Variants in ANKS1B observed in about 807,000 individuals in gnomAD.
The protein encoded by ANKS1B is ankyrin repeat and sterile alpha motif domain containing 1B.
In ANKS1B, 36 loss-of-function variants were observed where a neutral mutation model predicts 148.3. That is an observed-to-expected ratio of 0.24 (90% confidence interval 0.19 to 0.32). The LOEUF (loss-of-function observed/expected upper bound fraction) is 0.32, where lower values mean the gene tolerates loss of function less well. Among genes scored for constraint, ANKS1B ranks in the 10% least tolerant of loss-of-function variants. The pLI, the probability that ANKS1B is intolerant of heterozygous loss-of-function variation, is 1.00. For missense variants in ANKS1B, 1,157 were observed against 1,542.6 expected, an observed-to-expected ratio of 0.75 and a Z score of 4.19; for synonymous variants, 542 against 560.8, an observed-to-expected ratio of 0.97 and a Z score of 0.47.
At chr12:99,526,911 A>G (rs2096932388) in intron 9 of ANKS1B, among the ~76,000 whole-genome samples, 1 of 152,230 alleles carries the variant, frequency 6.6e-6, no homozygotes. Context: ...GGTGGACCCC[A>G]ATCCAATGAC....
chr12:99,854,653 A>G (rs1263280782), intron 1 of ANKS1B, among the ~76,000 whole-genome samples: 1 of 152,326 alleles, frequency 6.6e-6, no homozygotes, highest in Admixed American at 6.5e-5. Flanking sequence ...AGGCAAAAGC[A>G]TCAGGTAATC....
At chr12:99,955,850 A>G (rs2095314974) in intron 1 of ANKS1B, among the ~76,000 whole-genome samples, 1 of 152,222 alleles carries the variant, frequency 6.6e-6, no homozygotes, top group South Asian at 2.1e-4. Flanking sequence ...AAAATCAGAT[A>G]TGTAAATAAG....
intron 15 of ANKS1B, among the ~76,000 whole-genome samples, chr12:99,120,855 T>C (rs920190431): frequency 2.0e-5 from 3 of 152,138 alleles, no homozygotes; most frequent in Non-Finnish European, 2.9e-5. Context: ...TTTGAAATTA[T>C]CTGGGCATTG....
chr12:99,338,053 C>T (rs1338360108), intron 12 of ANKS1B, among the ~76,000 whole-genome samples: 2 of 152,126 alleles, frequency 1.3e-5, no homozygotes, highest in African/African-American at 2.4e-5. Flanking sequence ...TCACTCAAGG[C>T]CCAAGTGTTC....
chr12:98,785,300 T>A (rs1030460761), intron 22 of ANKS1B, among the ~76,000 whole-genome samples: 3 of 152,016 alleles, frequency 2.0e-5, no homozygotes, highest in Non-Finnish European at 4.4e-5. Flanking sequence ...CAAAACCCCG[T>A]CTCTACTAAA....
chr12:99,153,557 T>C (rs1241250695), intron 15 of ANKS1B, among the ~76,000 whole-genome samples: 2 of 152,166 alleles, frequency 1.3e-5, no homozygotes, highest in Non-Finnish European at 2.9e-5. Flanking sequence ...CTTCCTCACC[T>C]ATATGCAAAA....
chr12:99,573,038 G>GATGCCTTTA (rs2097477846), intron 9 of ANKS1B, among the ~76,000 whole-genome samples: 1 of 152,012 alleles, frequency 6.6e-6, no homozygotes, highest in South Asian at 2.1e-4. Flanking sequence ...GAGCAAACAG[G>GATGCCTTTA]CTGCCTGAAC....
intron 8 of ANKS1B, among the ~76,000 whole-genome samples, chr12:99,693,768 A>C (rs995071759): frequency 6.6e-6 from 1 of 150,996 alleles, no homozygotes; most frequent in Non-Finnish European, 1.5e-5. Flanking sequence ...TCTTTCAACA[A>C]ATATTTTTTG....
chr12:99,720,088 C>T (rs566054543), intron 8 of ANKS1B, among the ~76,000 whole-genome samples: 1 of 152,314 alleles, frequency 6.6e-6, no homozygotes, highest in South Asian at 2.1e-4. Flanking sequence ...AAGCCACTAG[C>T]CCATCTCTTA....
At chr12:99,760,432 A>ATG (rs1209120362) in intron 8 of ANKS1B, among the ~76,000 whole-genome samples, 1 of 151,920 alleles carries the variant, frequency 6.6e-6, no homozygotes, top group Non-Finnish European at 1.5e-5. Flanking sequence ...AAAACTAAAC[A>ATG]ACTTGCTACT....
At chr12:99,761,047 A>G (rs1479019229) in intron 8 of ANKS1B, among the ~76,000 whole-genome samples, 1 of 143,984 alleles carries the variant, frequency 6.9e-6, no homozygotes, top group Non-Finnish European at 1.5e-5. Context: ...TGGAATCAGT[A>G]ATAAAAAGCC....
At chr12:99,877,796 C>T (rs1252204782) in intron 1 of ANKS1B, among the ~76,000 whole-genome samples, 3 of 152,174 alleles carry the variant, frequency 2.0e-5, no homozygotes, top group African/African-American at 7.2e-5. Context: ...GCTGACCACA[C>T]CTGTAATCCC....
At chr12:99,306,295 G>C (rs1305318203) in intron 12 of ANKS1B, among the ~76,000 whole-genome samples, 3 of 152,194 alleles carry the variant, frequency 2.0e-5, no homozygotes, top group African/African-American at 7.2e-5. Context: ...GAAGCATTCA[G>C]CCATTCCTGG....
chr12:98,910,895 C>A (rs1000498201), intron 17 of ANKS1B, among the ~76,000 whole-genome samples: 1 of 152,140 alleles, frequency 6.6e-6, no homozygotes, highest in African/African-American at 2.4e-5. Context: ...AAATAACAAA[C>A]AAGCATCCTA....
At chr12:99,523,484 C>A (rs2096895354) in intron 9 of ANKS1B, among the ~76,000 whole-genome samples, 1 of 151,226 alleles carries the variant, frequency 6.6e-6, no homozygotes. Context: ...AAACTGGCTG[C>A]TTACTAAGTA....
chr12:99,393,986 G>A (rs146350456), intron 12 of ANKS1B, among the ~76,000 whole-genome samples: 2 of 152,268 alleles, frequency 1.3e-5, no homozygotes, highest in Non-Finnish European at 2.9e-5. Flanking sequence ...TCCTCCAGCT[G>A]ACATAGGCTG....
chr12:98,948,719 T>C (rs1024019114), intron 17 of ANKS1B, among the ~76,000 whole-genome samples: 9 of 151,036 alleles, frequency 6.0e-5, no homozygotes, highest in Admixed American at 4.6e-4. Flanking sequence ...GGAATAATTA[T>C]GCCAATTTCT....
chr12:99,980,329 C>T (rs1241306936), intron 1 of ANKS1B, among the ~76,000 whole-genome samples: 4 of 151,966 alleles, frequency 2.6e-5, no homozygotes, highest in Non-Finnish European at 5.9e-5. Context: ...TTACATAATA[C>T]ATATTCATTA....
chr12:99,696,494 A>G (rs12814734), intron 8 of ANKS1B, among the ~76,000 whole-genome samples: 1 of 152,200 alleles, frequency 6.6e-6, no homozygotes, highest in Non-Finnish European at 1.5e-5. Context: ...TAGCGTTTCA[A>G]CAAATGGTGC....
Sources: gnomAD v4.1 joint callset for allele counts (sites outside exome capture counted in the v4.1 genomes callset) on GRCh38, gnomAD v4.1.1 for gene constraint, MANE v1.5 for transcripts, NCBI Gene and HGNC (gene_info 2026-07-23, HGNC 2026-07-21) for gene names.